KRT8: variants seen among roughly 807,000 people sequenced by gnomAD.
KRT8 encodes the protein keratin 8.
KRT8 carries 24 observed loss-of-function variants against 43.0 expected under a neutral mutation model. The observed-to-expected ratio is 0.56, with a 90% CI of 0.40 to 0.78. The LOEUF (loss-of-function observed/expected upper bound fraction) is 0.78. Among genes scored for constraint, KRT8 ranks in the 30% least tolerant of loss-of-function variants. The pLI is 0.00. For missense variants in KRT8, 492 were observed against 638.4 expected, an observed-to-expected ratio of 0.77 and a Z score of 2.47; for synonymous variants, 214 against 261.2, an observed-to-expected ratio of 0.82 and a Z score of 1.74.
intron 2 of KRT8, among the ~76,000 whole-genome samples, chr12:52,928,473 C>T (rs1942031301): frequency 6.6e-6 from 1 of 152,176 alleles, no homozygotes; most frequent in Non-Finnish European, 1.5e-5. Context: ...CTGATCCACA[C>T]ACCCCTCCCT....
chr12:52,934,858 A>G (rs1195208155), intron 2 of KRT8, among the ~76,000 whole-genome samples: 1 of 151,958 alleles, frequency 6.6e-6, no homozygotes, highest in Non-Finnish European at 1.5e-5. Flanking sequence ...AATCCCAGGT[A>G]CTTGGGAGGC....
upstream of KRT8, among the ~76,000 whole-genome samples, chr12:52,908,772 G>A (rs748081172): frequency 2.2e-4 from 34 of 152,142 alleles, no homozygotes; most frequent in Non-Finnish European, 3.7e-4. Flanking sequence ...TTGGGAGGTC[G>A]AGGCAGGAGG....
At chr12:52,943,025 T>C (rs74089291) in intron 2 of KRT8, among the ~76,000 whole-genome samples, 2,252 of 152,160 alleles carry the variant, frequency 0.015, 53 homozygotes, top group African/African-American at 0.052. Flanking sequence ...GCAGGATTAG[T>C]GTTTACTGAT....
intron 2 of KRT8, among the ~76,000 whole-genome samples, chr12:52,925,946 G>A (rs930835065): frequency 1.3e-5 from 2 of 152,030 alleles, no homozygotes; most frequent in African/African-American, 4.8e-5. Flanking sequence ...GAGAAAGGAG[G>A]CAGTGTTCTC....
intron 2 of KRT8, among the ~76,000 whole-genome samples, chr12:52,935,312 T>C (rs1942149847): frequency 7.5e-6 from 1 of 132,650 alleles, no homozygotes; most frequent in South Asian, 2.4e-4. Flanking sequence ...CCAGGAGGCA[T>C]AGGTTGCAAT....
chr12:52,897,558 G>A (rs773846297), exon 8 of KRT8: 8 of 1,597,594 alleles, frequency 5.0e-6, no homozygotes, highest in East Asian at 2.2e-5. Flanking sequence ...GCCAAAGCTG[G>A]AGCCCAGGCT....
exon 2 of KRT8, chr12:52,949,513 G>A: frequency 6.2e-7 from 1 of 1,613,616 alleles, no homozygotes; most frequent in Non-Finnish European, 8.5e-7. Context: ...CAAAATCCGG[G>A]AGCACTTGGA....
chr12:52,935,378 C>CAAAAAAAAAAA (rs71092794), intron 2 of KRT8, among the ~76,000 whole-genome samples: 5 of 23,752 alleles, frequency 2.1e-4, no homozygotes, highest in African/African-American at 9.7e-4. Flanking sequence ...GACTCTGTCT[C>CAAAAAAAAAAA]AAAAAAAAAA....
intron 2 of KRT8, among the ~76,000 whole-genome samples, chr12:52,929,188 C>CTT (rs59896088): frequency 7.4e-4 from 98 of 132,904 alleles, no homozygotes; most frequent in African/African-American, 1.8e-3. Context: ...TCCTTCCTTT[C>CTT]TTTTTTTTTT....
At chr12:52,914,942 T>C (rs538342899) in intron 2 of KRT8, among the ~76,000 whole-genome samples, 1 of 152,160 alleles carries the variant, frequency 6.6e-6, no homozygotes, top group Non-Finnish European at 1.5e-5. Flanking sequence ...AAGGCTGATA[T>C]AGGTCACATG....
intron 2 of KRT8, among the ~76,000 whole-genome samples, chr12:52,934,682 A>T (rs941693896): frequency 2.1e-4 from 32 of 151,956 alleles, no homozygotes; most frequent in African/African-American, 7.7e-4. Context: ...ATAAAGATAG[A>T]TACAGGCCAG....
chr12:52,900,478 C>T lies in KRT8; in HGVS notation c.690+110G>A, dbSNP rs549373668. The T allele has an allele frequency of 1.4e-5, 11 of 765,716 alleles. No individual in the cohort carries two copies. The Admixed American group carries it at 1.7e-4, about 12-fold the overall frequency. The allele number at this position is 765,716 out of a possible 1,614,324, so 47.4% of individuals were successfully genotyped here. On this transcript the variant is annotated intron_variant, in intron 4 of 7. Transcript: ENST00000692008. ...GTGGCTGTAATTAGTCAGCAGTGGG[C>T]CTTTGTCTTATTAGTGTGCTGGGGG... is the stretch of plus-strand genomic sequence containing the variant.
intron 2 of KRT8, among the ~76,000 whole-genome samples, chr12:52,913,098 A>G (rs1156831208): frequency 1.3e-5 from 2 of 152,236 alleles, no homozygotes; most frequent in African/African-American, 4.8e-5. Context: ...ATAAACATCC[A>G]GGTATCAGAG....
intron 2 of KRT8, among the ~76,000 whole-genome samples, chr12:52,931,854 G>T (rs1942090577): frequency 6.6e-6 from 1 of 151,948 alleles, no homozygotes; most frequent in African/African-American, 2.4e-5. Flanking sequence ...GTAAAGATGG[G>T]GTTTCACCAT....
chr12:52,944,237 G>A (rs911990637), intron 2 of KRT8, among the ~76,000 whole-genome samples: 3 of 152,200 alleles, frequency 2.0e-5, no homozygotes, highest in Non-Finnish European at 4.4e-5. Flanking sequence ...TAAGCCAGCA[G>A]TGGGGAATAT....
intron 4 of KRT8, among the ~76,000 whole-genome samples, chr12:52,900,384 G>A (rs1258538150): frequency 2.0e-5 from 3 of 152,190 alleles, no homozygotes; most frequent in Admixed American, 2.0e-4. Flanking sequence ...GTGAAATGGG[G>A]TAATGACTCA....
chr12:52,932,926 A>AT (rs1485068590), intron 2 of KRT8, among the ~76,000 whole-genome samples: 1 of 152,138 alleles, frequency 6.6e-6, no homozygotes, highest in Non-Finnish European at 1.5e-5. Context: ...ACAAAATTAC[A>AT]TTTTTTGTGT....
At chr12:52,948,948 G>A (rs1942402285) in intron 2 of KRT8, 1 of 444,558 alleles carries the variant, frequency 2.2e-6, no homozygotes, top group Non-Finnish European at 3.9e-6. Context: ...GGTGAGCGGG[G>A]CTTGGCAGGG....
chr12:52,905,067 T>C, exon 1 of KRT8: 9 of 1,514,976 alleles, frequency 5.9e-6, no homozygotes, highest in Non-Finnish European at 7.9e-6. Context: ...TGAGGAGAGC[T>C]CTCAGGAATG....
Sources: allele counts gnomAD v4.1 joint callset (sites outside exome capture counted in the v4.1 genomes callset), GRCh38; gene constraint gnomAD v4.1.1; transcripts MANE v1.5; gene names NCBI Gene and HGNC (gene_info 2026-07-23, HGNC 2026-07-21).